Variants in RABGGTB observed in about 807,000 individuals in gnomAD.
The protein encoded by RABGGTB is Rab geranylgeranyltransferase subunit beta.
Under a neutral mutation model 44.5 loss-of-function variants are expected in RABGGTB, and 20 were observed. The observed-to-expected ratio is 0.45, with a 90% CI of 0.32 to 0.65. The LOEUF is 0.65. Among genes scored for constraint, RABGGTB ranks in the 30% least tolerant of loss-of-function variants. RABGGTB has a pLI of 0.05. For missense variants in RABGGTB, 302 were observed against 398.7 expected (o/e 0.76, Z 2.06); for synonymous variants, 128 against 136.7 (o/e 0.94, Z 0.44).
rs1372448151 is a variant in RABGGTB at position 75,789,284 on chromosome 1, A to G, written c.237A>G (p.Gln79=). Reference sequence around the variant, plus strand: ...TTCTGGCATTTATTAAGTCTTGCCAACATGAATGTGGTGGAATAAGTGCTA... The same window carrying G: ...TTCTGGCATTTATTAAGTCTTGCCAGCATGAATGTGGTGGAATAAGTGCTA... ...EEILAFIKSC[Q]HECGGISASI... Residue 79 remains glutamine, a synonymous_variant, in exon 3 of 9, where the codon CAA becomes CAG. Transcript: ENST00000319942. 3.1e-6 allele frequency: 5 copies of G among 1,614,146 alleles called. No individual in the cohort carries two copies. Among genetic ancestry groups the G allele is most frequent in the Admixed American group, 3.3e-5 (2 of 60,020 alleles).
chr1:75,792,074 C>T, intron 6 of RABGGTB, 107 bp from the exon 7 acceptor site: 1 of 1,006,768 alleles, frequency 9.9e-7, no homozygotes, highest in Non-Finnish European at 1.4e-6. Flanking sequence ...AGTGTCAGAT[C>T]AAGAAGAAAA....
chr1:75,790,151 G>C, intron 4 of RABGGTB, 94 bp downstream of exon 4: 1 of 1,561,072 alleles, frequency 6.4e-7, no homozygotes. Flanking sequence ...CATCTTTTCA[G>C]GTCCCACTAA....
chr1:75,789,480 C>G (rs1649591104), intron 3 of RABGGTB, 124 bp downstream of exon 3: 2 of 976,244 alleles, frequency 2.0e-6, no homozygotes, highest in African/African-American at 1.6e-5. Flanking sequence ...CCTACAAGGT[C>G]AATGATGTAA....
At position 75,794,689 on chromosome 1, in the gene RABGGTB, T is replaced by C. The variant is rs776532666; in HGVS notation, c.*39T>C. 3 of 1,486,644 alleles carry C rather than the reference T, an allele frequency of 2.0e-6. No homozygotes were observed. The highest frequency in any genetic ancestry group is 3.0e-5 in the South Asian group (2 of 67,516). The allele number at this position is 1,486,644 out of a possible 1,614,324, so 92.1% of individuals were successfully genotyped here. A position where few individuals can be genotyped will look rare whatever the true frequency, so the allele number is the denominator to read the frequency against. On this transcript the variant is annotated 3_prime_UTR_variant, in exon 9 of 9. Coordinates refer to ENST00000319942, the MANE Select transcript of RABGGTB (RefSeq NM_004582.4). ...AAAGTTGCATAGTATAGTTTTGCCA[T>C]TTTAACATTTCTGTATTTGAAGTGC...
intron 5 of RABGGTB, 30 bp from the exon 6 acceptor site, chr1:75,791,431 T>A (rs1649643126): frequency 1.3e-6 from 2 of 1,582,636 alleles, no homozygotes; most frequent in Admixed American, 1.7e-5. Context: ...TACTCTGGAA[T>A]TTAACAGGCA....
intron 4 of RABGGTB, chr1:75,790,405 A>G (rs1649618180): frequency 1.7e-6 from 2 of 1,149,122 alleles, no homozygotes; most frequent in African/African-American, 1.6e-5. Context: ...GAGGGAGGGA[A>G]TAGAATTTTA....
chr1:75,792,332 C>T (rs1355581479), intron 7 of RABGGTB, 26 bp downstream of exon 7: 1 of 1,607,982 alleles, frequency 6.2e-7, no homozygotes, highest in Non-Finnish European at 8.5e-7. Flanking sequence ...CCATATTCTG[C>T]TAGCTTTAGA....
chr1:75,792,582 TA>T (rs945066580), intron 7 of RABGGTB, among the ~76,000 whole-genome samples: 33 of 152,234 alleles, frequency 2.2e-4, no homozygotes, highest in African/African-American at 7.7e-4. Context: ...TTGGATTTTT[TA>T]AAAATTAGAC....
intron 3 of RABGGTB, 25 bp from the exon 4 acceptor site, chr1:75,789,927 T>G (rs770078378): frequency 4.1e-5 from 62 of 1,519,654 alleles, no homozygotes; most frequent in Non-Finnish European, 5.4e-5. Context: ...AAGGGACATT[T>G]ACCTAATACT....
At chr1:75,792,909 A>G (rs1270229475) in intron 7 of RABGGTB, among the ~76,000 whole-genome samples, 2 of 152,000 alleles carry the variant, frequency 1.3e-5, no homozygotes, top group Admixed American at 6.6e-5. Context: ...ATTCACTGCA[A>G]CCTCCGCCTC....
intron 1 of RABGGTB, 103 bp downstream of exon 1, chr1:75,786,377 A>AGAAT (rs1649477035): frequency 4.7e-6 from 7 of 1,501,298 alleles, no homozygotes; most frequent in Non-Finnish European, 4.6e-6. Context: ...CTGGTGCTGG[A>AGAAT]GAATGGTTAG....
chr1:75,789,780 GT>G (rs1649600959), intron 3 of RABGGTB, 171 bp from the exon 4 acceptor site: 1 of 592,806 alleles, frequency 1.7e-6, no homozygotes, highest in East Asian at 2.8e-5. Flanking sequence ...AAAGATTTGA[GT>G]TTTCTTGATA....
chr1:75,794,498 T>C lies in RABGGTB; in HGVS notation c.856-12T>C, dbSNP rs1050983845. ...CATTTTGTGATCTGTATATAAATTCTTTTTTAAATAGGTGGATCCTTTTCA... is the reference window on the plus strand; with the variant it reads ...CATTTTGTGATCTGTATATAAATTCCTTTTTAAATAGGTGGATCCTTTTCA... On this transcript the variant is annotated splice_polypyrimidine_tract_variant and intron_variant, in intron 8 of 8. Transcript: ENST00000319942. 2.5e-6 allele frequency: 4 copies of C among 1,605,572 alleles called. No homozygotes were observed. Among genetic ancestry groups the C allele is most frequent in the Admixed American group, 1.7e-5 (1 of 58,846 alleles).
intron 1 of RABGGTB, 200 bp from the exon 2 acceptor site, chr1:75,787,297 A>G: frequency 1.6e-6 from 1 of 615,680 alleles, no homozygotes; most frequent in Non-Finnish European, 2.9e-6. Context: ...ACACAACCTC[A>G]GTTCACTGCA....
intron 6 of RABGGTB, 53 bp downstream of exon 6, chr1:75,791,624 T>A: frequency 6.8e-7 from 1 of 1,461,066 alleles, no homozygotes; most frequent in Non-Finnish European, 9.4e-7. Context: ...GCCAGTGTAG[T>A]AAAATAAGAA....
chr1:75,787,516 T>C lies in RABGGTB; in HGVS notation c.23T>C (p.Val8Ala). 1 of 1,613,828 alleles carries C rather than the reference T, an allele frequency of 6.2e-7. No individual in the cohort carries two copies. Among genetic ancestry groups the C allele is most frequent in the Non-Finnish European group, 8.5e-7 (1 of 1,179,700 alleles). ...TGAAAGGGCACTCCACAGAAGGATGTTATTATCAAGTCAGATGCACCGGAC... is the reference window on the plus strand; with the variant it reads ...TGAAAGGGCACTCCACAGAAGGATGCTATTATCAAGTCAGATGCACCGGAC... MGTPQKD[V>A]IIKSDAPDTL... is the part of the protein sequence containing the mutation. The change falls in exon 2 of 9, where the codon GTT becomes GCT. Residue 8 changes from valine to alanine, a missense_variant. Physicochemically the swap from Val to Ala is moderately conservative, Grantham distance 64. Coordinates refer to ENST00000319942, the MANE Select transcript of RABGGTB (RefSeq NM_004582.4).
intron 2 of RABGGTB, 193 bp from the exon 3 acceptor site, chr1:75,788,966 C>T: frequency 3.5e-6 from 2 of 574,144 alleles, no homozygotes; most frequent in Non-Finnish European, 6.2e-6. Flanking sequence ...TTGTTTTTTT[C>T]TGATAATAGT....
intron 2 of RABGGTB, chr1:75,787,893 AATG>A (rs1649539183): frequency 1.6e-6 from 1 of 626,172 alleles, no homozygotes; most frequent in African/African-American, 1.8e-5. Flanking sequence ...TTTCAAGGTC[AATG>A]ATGTGTTGGC....
rs76319559 is a variant in RABGGTB, at chr1:75,792,530, G to A, written c.705+224G>A. On this transcript the variant is annotated intron_variant, in intron 7 of 8. Coordinates refer to ENST00000319942, the MANE Select transcript of RABGGTB (RefSeq NM_004582.4). Reference sequence around the variant, plus strand: ...CTAATGTCCATTTCCAGACAGTCTTGTACAGGAATCTCCATGTTTAAGGAC... The same window carrying A: ...CTAATGTCCATTTCCAGACAGTCTTATACAGGAATCTCCATGTTTAAGGAC... 2.0e-5 allele frequency among the ~76,000 whole-genome samples: 3 copies of A among 152,244 alleles called. No individual in the cohort carries two copies. In the East Asian group the frequency reaches 5.8e-4, roughly 29 times the overall value.
Sources: gnomAD v4.1 joint callset for allele counts (sites outside exome capture counted in the v4.1 genomes callset) on GRCh38, gnomAD v4.1.1 for gene constraint, MANE v1.5 for transcripts, NCBI Gene and HGNC (gene_info 2026-07-23, HGNC 2026-07-21) for gene names.